BRAF: variants seen among roughly 807,000 people sequenced by gnomAD.
The protein encoded by BRAF is serine/threonine-protein kinase B-raf.
Under a neutral mutation model 104.6 loss-of-function variants are expected in BRAF, and 16 were observed. The observed-to-expected ratio is 0.15, with a 90% CI of 0.10 to 0.23. BRAF has a LOEUF of 0.23. Among genes scored for constraint, BRAF ranks in the 10% least tolerant of loss-of-function variants. The probability of loss-of-function intolerance (pLI) is 1.00; values close to 1 mark genes in which losing one functional copy is unlikely to be tolerated. For missense variants in BRAF, 541 were observed against 937.3 expected, an observed-to-expected ratio of 0.58 and a Z score of 5.52; for synonymous variants, 310 against 341.6, an observed-to-expected ratio of 0.91 and a Z score of 1.02.
intron 7 of BRAF, among the ~76,000 whole-genome samples, chr7:140,797,904 G>A (rs1268809555): frequency 6.6e-6 from 1 of 152,174 alleles, no homozygotes; most frequent in African/African-American, 2.4e-5. Context: ...CACACAAGTA[G>A]TGATAGAGCC....
At chr7:140,909,215 C>T (rs1052425011) in intron 1 of BRAF, among the ~76,000 whole-genome samples, 1 of 152,018 alleles carries the variant, frequency 6.6e-6, no homozygotes, top group African/African-American at 2.4e-5. Context: ...CACCTGAGGT[C>T]GGGAGTTCAA....
At chr7:140,825,810 T>C (rs1805984371) in intron 3 of BRAF, among the ~76,000 whole-genome samples, 1 of 152,206 alleles carries the variant, frequency 6.6e-6, no homozygotes, top group Non-Finnish European at 1.5e-5. Context: ...TTAATTATTT[T>C]CTATATAATT....
At chr7:140,803,112 T>C (rs748362536) in intron 5 of BRAF, among the ~76,000 whole-genome samples, 7 of 152,250 alleles carry the variant, frequency 4.6e-5, no homozygotes, top group African/African-American at 1.4e-4. Flanking sequence ...TTAGAAGCAA[T>C]AGGCTCTACC....
chr7:140,796,331 A>T (rs1240552521), intron 7 of BRAF, among the ~76,000 whole-genome samples: 1 of 151,308 alleles, frequency 6.6e-6, no homozygotes, highest in African/African-American at 2.5e-5. Flanking sequence ...CCTGGGTGAC[A>T]AAGTGAGACT....
intron 9 of BRAF, among the ~76,000 whole-genome samples, chr7:140,787,300 CAAAAAA>C (rs1199383417): frequency 1.8e-5 from 1 of 55,060 alleles, no homozygotes; most frequent in South Asian, 9.7e-4. Context: ...GACTCCGTCT[CAAAAAA>C]AAAAAAAAAA....
rs1383469753 is a variant in BRAF, at chr7:140,814,747, AATATATAACATATATATT to A, written c.505-5770_505-5753del. On this transcript the variant is annotated intron_variant, in intron 3 of 19. Transcript: ENST00000644969. ...TTTATATATAACATAATTTATATAC[AATATATAACATATATATT>A]ATATATAACATATATATTATATATA... Among the ~76,000 whole-genome samples the A allele has an allele frequency of 3.1e-3, 389 of 124,170 alleles. 2 individuals are homozygous for A. Among genetic ancestry groups the A allele is most frequent in the East Asian group, 0.014 (72 of 5,042 alleles). 81.5% of individuals were successfully genotyped at this position (124,170 alleles called of 152,430 possible).
chr7:140,821,798 T>C (rs1423449494), intron 3 of BRAF, among the ~76,000 whole-genome samples: 1 of 152,096 alleles, frequency 6.6e-6, no homozygotes, highest in African/African-American at 2.4e-5. Flanking sequence ...ACAGCACTAT[T>C]CACAATAGCA....
In BRAF at chr7:140,721,043, G is replaced by A. The variant is rs1417658289; in HGVS notation, c.*5451C>T. On this transcript the variant is annotated 3_prime_UTR_variant, in exon 20 of 20. Transcript: ENST00000644969. Reference sequence around the variant, plus strand: ...TACCATGAATAAACATATTTTAGTTGTTTTCAGAGCACTTCTATCTACAGA... The same window carrying A: ...TACCATGAATAAACATATTTTAGTTATTTTCAGAGCACTTCTATCTACAGA... The A allele has an allele frequency of 2.8e-6, 3 of 1,063,210 alleles. No individual in the cohort carries two copies. In the African/African-American group the frequency reaches 4.9e-5, roughly 17 times the overall value. 65.9% of individuals were successfully genotyped at this position (1,063,210 alleles called of 1,614,324 possible). A position where few individuals can be genotyped will look rare whatever the true frequency, so the allele number is the denominator to read the frequency against.
chr7:140,734,688 C>T lies in BRAF; in HGVS notation c.2330G>A (p.Gly777Asp), dbSNP rs778872326. ...SASEPSLNRAGFQTEDFSLYA... is the reference protein window; with the variant it reads ...SASEPSLNRADFQTEDFSLYA... ...TAGACTAAAATCCTCTGTTTGGAAA[C>T]CAGCCCGATTCAAGGAGGGTTCTGA... is the stretch of plus-strand genomic sequence containing the variant. Residue 777 changes from glycine (G) to aspartate (D), a missense_variant, in exon 19 of 20, where the codon GGT becomes GAT. Gly to Asp is a moderately conservative substitution (Grantham distance 94). Coordinates refer to ENST00000644969, the MANE Select transcript of BRAF (RefSeq NM_001374258.1). The T allele has an allele frequency of 6.2e-7, 1 of 1,612,192 alleles. No individual in the cohort carries two copies. The highest frequency in any genetic ancestry group is 1.1e-5 in the South Asian group (1 of 91,026).
intron 12 of BRAF, among the ~76,000 whole-genome samples, chr7:140,779,624 G>C (rs912138178): frequency 6.6e-6 from 1 of 152,100 alleles, no homozygotes; most frequent in Admixed American, 6.6e-5. Flanking sequence ...TTCGGGTTTG[G>C]GATTTTGGAT....
intron 3 of BRAF, among the ~76,000 whole-genome samples, chr7:140,813,594 A>G (rs1042851061): frequency 6.6e-6 from 1 of 152,196 alleles, no homozygotes; most frequent in African/African-American, 2.4e-5. Flanking sequence ...CTGTATATCA[A>G]AAGTCTAGAA....
rs765215548 is a variant in BRAF, at chr7:140,809,035, C to A, written c.505-40G>T. 156 of 1,507,288 alleles carry A rather than the reference C, an allele frequency of 1.0e-4. No individual in the cohort carries two copies. In the Middle Eastern group the frequency reaches 3.9e-3, roughly 38 times the overall value. 93.4% of individuals were successfully genotyped at this position (1,507,288 alleles called of 1,614,324 possible). ...ATATATTGATAAGAGGTAAAGGGAG[C>A]AAATTACATTTTTTCATATCATTAA... On this transcript the variant is annotated intron_variant, in intron 3 of 19. Transcript: ENST00000644969.
At chr7:140,821,134 A>C (rs1805431707) in intron 3 of BRAF, among the ~76,000 whole-genome samples, 1 of 151,612 alleles carries the variant, frequency 6.6e-6, no homozygotes. Flanking sequence ...TGGGGCTACA[A>C]ACTCATGCTA....
chr7:140,876,829 A>G (rs1490368999), intron 1 of BRAF, among the ~76,000 whole-genome samples: 1 of 152,194 alleles, frequency 6.6e-6, no homozygotes, highest in Non-Finnish European at 1.5e-5. Flanking sequence ...TCTACTTAAC[A>G]GCTGAATACA....
In BRAF at chr7:140,901,219, A is replaced by G. The variant is rs575912381; in HGVS notation, c.138+23347T>C. Reference sequence around the variant, plus strand: ...AAATTGTAAATACAAATATGAGATAATAAAATTAGTGTTGTAAGTTTGTTT... The same window carrying G: ...AAATTGTAAATACAAATATGAGATAGTAAAATTAGTGTTGTAAGTTTGTTT... On this transcript the variant is annotated intron_variant, in intron 1 of 19. Coordinates refer to ENST00000644969, the MANE Select transcript of BRAF (RefSeq NM_001374258.1). Among the ~76,000 whole-genome samples the G allele has an allele frequency of 9.2e-5, 14 of 152,376 alleles. 1 individual carries two copies. In the South Asian group the frequency reaches 2.5e-3, roughly 27 times the overall value.
intron 17 of BRAF, chr7:140,740,214 A>G (rs1250176560): frequency 1.3e-5 from 5 of 387,172 alleles, no homozygotes; most frequent in Non-Finnish European, 1.9e-5. Context: ...TATCCAGTCC[A>G]TTTTCCCACT....
Position 140,801,444 on chromosome 7 carries a change from A to T in BRAF, c.828T>A (p.Val276=), listed in dbSNP as rs199790021. ...GGTCATAATTAACACACATCAGTGG[A>T]ACTTCTGTACTACAACGCTGGTGAA... ...YKFHQRCSTE[V]PLMCVNYDQL... is the part of the protein sequence containing the mutation. Residue 276 remains valine, a synonymous_variant, in exon 6 of 20, where the codon GTT becomes GTA. Transcript: ENST00000644969. 1 of 1,614,000 alleles carries T rather than the reference A, an allele frequency of 6.2e-7. No homozygotes were observed. The highest frequency in any genetic ancestry group is 8.5e-7 in the Non-Finnish European group (1 of 1,179,890).
chr7:140,884,429 ATGTGTGTGTGTGTGTGTGTG>A (rs71170770), intron 1 of BRAF, among the ~76,000 whole-genome samples: 47 of 127,528 alleles, frequency 3.7e-4, no homozygotes, highest in Admixed American at 1.1e-3. Flanking sequence ...TATATAAGAT[ATGTGTGTGTGTGTGTGTGTG>A]TGTGTGTGTG....
rs1803079057 is a variant in BRAF at position 140,801,253 on chromosome 7, C to A, written c.860+159G>T. 5.7e-6 allele frequency: 4 copies of A among 704,914 alleles called. No individual in the cohort carries two copies. In the South Asian group the frequency reaches 7.6e-5, roughly 13 times the overall value. The allele number at this position is 704,914 out of a possible 1,614,324, so 43.7% of individuals were successfully genotyped here. A position where few individuals can be genotyped will look rare whatever the true frequency, so the allele number is the denominator to read the frequency against. ...TTACAATTTGGGAGAGAAATACTGT[C>A]CATTCCACATATTATTCTCTAACTA... is the stretch of plus-strand genomic sequence containing the variant. On this transcript the variant is annotated intron_variant, in intron 6 of 19. Coordinates refer to ENST00000644969, the MANE Select transcript of BRAF (RefSeq NM_001374258.1).
Sources: allele counts gnomAD v4.1 joint callset (sites outside exome capture counted in the v4.1 genomes callset), GRCh38; gene constraint gnomAD v4.1.1; transcripts MANE v1.5; gene names NCBI Gene and HGNC (gene_info 2026-07-23, HGNC 2026-07-21).